Variants in IFNLR1 observed in about 807,000 individuals in gnomAD.
The protein encoded by IFNLR1 is CRF2-12.
A neutral mutation model predicts 52.5 loss-of-function variants in IFNLR1; 28 were observed. That is an observed-to-expected ratio of 0.53 (90% CI 0.40 to 0.73). The LOEUF is 0.73. Among genes scored for constraint, IFNLR1 ranks in the 30% least tolerant of loss-of-function variants. IFNLR1 has a pLI of 0.00. For missense variants in IFNLR1, 623 were observed against 659.1 expected, an observed-to-expected ratio of 0.95 and a Z score of 0.60; for synonymous variants, 276 against 274.9, an observed-to-expected ratio of 1.00 and a Z score of -0.04.
chr1:24,185,870 C>T lies in IFNLR1; in HGVS notation c.58+1321G>A, dbSNP rs1644732396. Among the ~76,000 whole-genome samples the T allele has an allele frequency of 2.0e-5, 3 of 152,148 alleles. No individual in the cohort carries two copies. In the South Asian group the frequency reaches 6.2e-4, roughly 31 times the overall value. On this transcript the variant is annotated intron_variant, in intron 1 of 6. Transcript: ENST00000327535. ...AACCTCAATCACCCTTGGGACAGACCACCCTATGGGGTAGGTGTCATTCAT... is the reference window on the plus strand; with the variant it reads ...AACCTCAATCACCCTTGGGACAGACTACCCTATGGGGTAGGTGTCATTCAT...
chr1:24,176,845 C>A (rs180861316), intron 2 of IFNLR1, among the ~76,000 whole-genome samples: 1 of 152,166 alleles, frequency 6.6e-6, no homozygotes, highest in Non-Finnish European at 1.5e-5. Context: ...CTCTTGGGCT[C>A]AAGCGATCCT....
chr1:24,160,275 C>T (rs1028396619), intron 4 of IFNLR1, among the ~76,000 whole-genome samples: 8 of 152,162 alleles, frequency 5.3e-5, no homozygotes, highest in Non-Finnish European at 8.8e-5. Context: ...GCACTGGCCA[C>T]GCGTGACTAC....
Position 24,157,345 on chromosome 1 carries a change from T to C in IFNLR1, c.1348A>G (p.Thr450Ala). Reference protein sequence around the residue: ...LPEDNLSSWATWGTLPPEPNL... With the variant: ...LPEDNLSSWAAWGTLPPEPNL... ...GGCTCCGGTGGTAAGGTGCCCCAGGTGGCCCAGGAGGAGAGGTTATCTTCT... is the reference window on the plus strand; with the variant it reads ...GGCTCCGGTGGTAAGGTGCCCCAGGCGGCCCAGGAGGAGAGGTTATCTTCT... Residue 450 changes from threonine (T) to alanine (A), a missense_variant, in exon 7 of 7, where the codon ACC becomes GCC. Coordinates refer to ENST00000327535, the MANE Select transcript of IFNLR1 (RefSeq NM_170743.4). The surrounding 1 kb of genome is among the most constrained non-coding windows in gnomAD (Gnocchi z 5.1). 3 of 1,614,014 alleles carry C rather than the reference T, an allele frequency of 1.9e-6. No homozygotes were observed. The highest frequency in any genetic ancestry group is 1.1e-5 in the South Asian group (1 of 91,068).
At chr1:24,171,402 G>A (rs1644578262) in intron 2 of IFNLR1, among the ~76,000 whole-genome samples, 1 of 152,108 alleles carries the variant, frequency 6.6e-6, no homozygotes, top group East Asian at 1.9e-4. Flanking sequence ...TAAAGAATAG[G>A]TATCTCATAA....
At chr1:24,186,446 T>C (rs907288898) in intron 1 of IFNLR1, among the ~76,000 whole-genome samples, 2 of 152,154 alleles carry the variant, frequency 1.3e-5, no homozygotes, top group Non-Finnish European at 2.9e-5. Flanking sequence ...CACAAAGAAG[T>C]TGCTGAATAA....
intron 2 of IFNLR1, 118 bp from the exon 3 acceptor site, chr1:24,169,719 TC>T: frequency 9.5e-7 from 1 of 1,053,558 alleles, no homozygotes; most frequent in Non-Finnish European, 1.4e-6. Context: ...GGTCCATCCG[TC>T]CAGACAGGCA....
At chr1:24,160,857 A>G (rs1644434914) in intron 4 of IFNLR1, among the ~76,000 whole-genome samples, 1 of 151,108 alleles carries the variant, frequency 6.6e-6, no homozygotes, top group Non-Finnish European at 1.5e-5. Flanking sequence ...CATCCCAAGC[A>G]GCTGGGACCA....
At chr1:24,161,441 T>C (rs754448108) in intron 4 of IFNLR1, 101 bp downstream of exon 4, 17 of 1,363,366 alleles carry the variant, frequency 1.2e-5, no homozygotes, top group Non-Finnish European at 4.1e-6. Flanking sequence ...GAAGACTTCC[T>C]GGAGGAGGGG....
At chr1:24,170,197 G>A (rs1311421121) in intron 2 of IFNLR1, among the ~76,000 whole-genome samples, 2 of 152,180 alleles carry the variant, frequency 1.3e-5, no homozygotes, top group Non-Finnish European at 2.9e-5. Flanking sequence ...GTGCCACCTT[G>A]ACCCTGAACT....
At chr1:24,185,825 G>T (rs1235738372) in intron 1 of IFNLR1, among the ~76,000 whole-genome samples, 2 of 152,198 alleles carry the variant, frequency 1.3e-5, no homozygotes, top group African/African-American at 4.8e-5. Context: ...CCAGGCACTA[G>T]TTTGGCTCTT....
At chr1:24,159,307 T>C (rs1179133479) in intron 5 of IFNLR1, 125 bp from the exon 6 acceptor site, 54 of 1,339,398 alleles carry the variant, frequency 4.0e-5, no homozygotes, top group Non-Finnish European at 5.2e-5. Flanking sequence ...TCCTGCAGAC[T>C]GTGCAAACCA....
chr1:24,155,015 C>A lies in IFNLR1; in HGVS notation c.*2115G>T, dbSNP rs192809606. ...GATAGCTTTTACTTTTTTGAAGTTA[C>A]CTCCACGAAGCAGCTCGGCTGGTGC... On this transcript the variant is annotated 3_prime_UTR_variant, in exon 7 of 7. Coordinates refer to ENST00000327535, the MANE Select transcript of IFNLR1 (RefSeq NM_170743.4). 3.0e-4 allele frequency: 45 copies of A among 152,336 alleles called. No individual in the cohort carries two copies. The highest frequency in any genetic ancestry group is 1.1e-3 in the African/African-American group (45 of 41,574). The allele number at this position is 152,336 out of a possible 1,614,324, so 9.4% of individuals were successfully genotyped here.
chr1:24,171,981 A>G (rs1435018519), intron 2 of IFNLR1, among the ~76,000 whole-genome samples: 1 of 151,938 alleles, frequency 6.6e-6, no homozygotes, highest in East Asian at 1.9e-4. Context: ...TTAAAAAAAT[A>G]TTCTGTAGAG....
intron 2 of IFNLR1, among the ~76,000 whole-genome samples, chr1:24,178,968 T>A (rs912050902): frequency 2.6e-5 from 4 of 152,130 alleles, no homozygotes; most frequent in Non-Finnish European, 5.9e-5. Context: ...CTTTTTAGGA[T>A]CTTGCTCTGT....
intron 5 of IFNLR1, 115 bp downstream of exon 5, chr1:24,159,359 A>G: frequency 8.0e-7 from 1 of 1,246,348 alleles, no homozygotes; most frequent in Non-Finnish European, 1.1e-6. Flanking sequence ...ACACACAATG[A>G]GTGTGGTTTT....
At chr1:24,183,442 AT>A (rs1644710594) in intron 1 of IFNLR1, among the ~76,000 whole-genome samples, 1 of 152,160 alleles carries the variant, frequency 6.6e-6, no homozygotes, top group African/African-American at 2.4e-5. Flanking sequence ...TACAAAATAA[AT>A]TTTTTAAAAA....
In IFNLR1 at chr1:24,155,664, C is replaced by T. The variant is rs1419733704; in HGVS notation, c.*1466G>A. 47 of 152,210 alleles carry T rather than the reference C, an allele frequency of 3.1e-4. No individual in the cohort carries two copies. The highest frequency in any genetic ancestry group is 3.0e-3 in the Admixed American group (46 of 15,274). 9.4% of individuals were successfully genotyped at this position (152,210 alleles called of 1,614,324 possible). A position where few individuals can be genotyped will look rare whatever the true frequency, so the allele number is the denominator to read the frequency against. The stretch of plus-strand genomic sequence containing the variant: ...GCCCTAAGAAGCTTTTCCAGTTCTG[C>T]CATTTAATGCTGTACCCTTGTGGTG... On this transcript the variant is annotated 3_prime_UTR_variant, in exon 7 of 7. Transcript: ENST00000327535.
rs374980858 is a variant in IFNLR1, at chr1:24,157,205, C to T, written c.1488G>A (p.Ala496=). The T allele has an allele frequency of 2.2e-5, 36 of 1,614,044 alleles. No individual in the cohort carries two copies. Among genetic ancestry groups the T allele is most frequent in the Non-Finnish European group, 2.7e-5 (32 of 1,180,020 alleles). Residue 496 remains alanine, a synonymous_variant, in exon 7 of 7, where the codon GCG becomes GCA. Transcript: ENST00000327535. The surrounding 1 kb of genome is among the most constrained non-coding windows in gnomAD (Gnocchi z 5.1). ...GGGTGCTCTCAGCCCCCCAGCTGCC[C>T]GCATCGCTGTCCTCAATTTCTGATT... ...ARESEIEDSD[A]GSWGAESTQR...
intron 3 of IFNLR1, 119 bp from the exon 4 acceptor site, chr1:24,161,803 G>A: frequency 1.0e-6 from 1 of 969,360 alleles, no homozygotes; most frequent in Non-Finnish European, 1.5e-6. Context: ...AACACTTCTT[G>A]TGCACCTAGC....
Sources: gnomAD v4.1 joint callset for allele counts (sites outside exome capture counted in the v4.1 genomes callset) on GRCh38, gnomAD v4.1.1 for gene constraint, Gnocchi (gnomAD v3.1) non-coding constraint, MANE v1.5 for transcripts, NCBI Gene and HGNC (gene_info 2026-07-23, HGNC 2026-07-21) for gene names.